Variants in CHODL observed in about 807,000 individuals in gnomAD.
CHODL encodes the protein transmembrane protein MT75.
In CHODL, 29 loss-of-function variants were observed where a neutral mutation model predicts 34.5. The observed-to-expected ratio is 0.84, with a 90% CI of 0.63 to 1.15. The LOEUF is 1.15. Ranked by LOEUF, CHODL falls within the 50% of genes most tolerant of loss-of-function variation. The pLI is 0.00. For missense variants in CHODL, 332 were observed against 332.5 expected, an observed-to-expected ratio of 1.00 and a Z score of 0.01; for synonymous variants, 125 against 116.1, an observed-to-expected ratio of 1.08 and a Z score of -0.49.
chr21:18,016,507 G>T (rs1292810476), intron 1 of CHODL, among the ~76,000 whole-genome samples: 1 of 152,208 alleles, frequency 6.6e-6, no homozygotes, highest in East Asian at 1.9e-4. Flanking sequence ...CCAAGCCCAG[G>T]CGCATGACCT....
intron 1 of CHODL, among the ~76,000 whole-genome samples, chr21:18,005,357 G>A (rs1282979941): frequency 6.6e-6 from 1 of 152,208 alleles, no homozygotes; most frequent in African/African-American, 2.4e-5. Context: ...CATAGTAAGT[G>A]CTATAAAAGT....
chr21:17,949,756 C>A (rs2063441001), intron 1 of CHODL, among the ~76,000 whole-genome samples: 1 of 151,792 alleles, frequency 6.6e-6, no homozygotes, highest in African/African-American at 2.4e-5. Context: ...GGATGGGCAA[C>A]CAGAGAATAT....
At chr21:18,088,679 T>G (rs1445862601) in intron 2 of CHODL, among the ~76,000 whole-genome samples, 1 of 152,238 alleles carries the variant, frequency 6.6e-6, no homozygotes, top group Non-Finnish European at 1.5e-5. Flanking sequence ...ATCTCTTCTC[T>G]GGTGAATGTT....
chr21:18,264,463 G>A (rs574988387), intron 5 of CHODL, among the ~76,000 whole-genome samples: 13 of 152,034 alleles, frequency 8.6e-5, no homozygotes, highest in African/African-American at 2.4e-4. Flanking sequence ...ATAGCCAGGC[G>A]TGGTGGCGGG....
At chr21:17,997,865 TG>T (rs2063866561) in intron 1 of CHODL, among the ~76,000 whole-genome samples, 1 of 152,076 alleles carries the variant, frequency 6.6e-6, no homozygotes, top group South Asian at 2.1e-4. Flanking sequence ...GAGATTTGGA[TG>T]GGGACACAGC....
At chr21:18,197,610 A>G (rs1453690267) in intron 2 of CHODL, among the ~76,000 whole-genome samples, 1 of 152,214 alleles carries the variant, frequency 6.6e-6, no homozygotes, top group Non-Finnish European at 1.5e-5. Context: ...GCTAGACTCC[A>G]TCTCAAAAAA....
At chr21:18,135,622 C>G (rs1259982548) in intron 2 of CHODL, among the ~76,000 whole-genome samples, 1 of 152,138 alleles carries the variant, frequency 6.6e-6, no homozygotes, top group African/African-American at 2.4e-5. Context: ...TGAGATGTCA[C>G]AGCAGTCAAA....
chr21:18,036,622 C>T (rs932473007), intron 2 of CHODL, among the ~76,000 whole-genome samples: 4 of 152,014 alleles, frequency 2.6e-5, no homozygotes, highest in African/African-American at 7.2e-5. Flanking sequence ...AATCAGTCTT[C>T]TTTCCATCTT....
At chr21:18,091,208 C>T (rs1363368051) in intron 2 of CHODL, among the ~76,000 whole-genome samples, 2 of 152,248 alleles carry the variant, frequency 1.3e-5, no homozygotes, top group African/African-American at 4.8e-5. Flanking sequence ...ACTTCAGTTT[C>T]TCAGCAAGCC....
intron 1 of CHODL, among the ~76,000 whole-genome samples, chr21:18,252,971 G>GGC (rs1281399633): frequency 1.3e-5 from 2 of 152,004 alleles, no homozygotes; most frequent in Non-Finnish European, 2.9e-5. Context: ...GGACAGCACT[G>GGC]ATTGTTAGTT....
intron 2 of CHODL, among the ~76,000 whole-genome samples, chr21:18,082,787 T>A (rs888096606): frequency 6.6e-6 from 1 of 152,132 alleles, no homozygotes; most frequent in Non-Finnish European, 1.5e-5. Context: ...GCATTCAAGA[T>A]GTGGCCTGGC....
At chr21:18,158,614 G>A (rs1202409587) in intron 2 of CHODL, among the ~76,000 whole-genome samples, 1 of 152,100 alleles carries the variant, frequency 6.6e-6, no homozygotes, top group African/African-American at 2.4e-5. Context: ...GAGGCGGGTG[G>A]ATCACCTGAG....
chr21:18,084,068 T>G (rs945823713), intron 2 of CHODL, among the ~76,000 whole-genome samples: 1 of 152,194 alleles, frequency 6.6e-6, no homozygotes, highest in Non-Finnish European at 1.5e-5. Flanking sequence ...TGGTGCTAGG[T>G]GATTAAATCA....
upstream of CHODL, among the ~76,000 whole-genome samples, chr21:18,240,131 A>G (rs529562627): frequency 2.0e-5 from 3 of 152,178 alleles, no homozygotes; most frequent in South Asian, 6.2e-4. Flanking sequence ...AGCAATTGTT[A>G]TTTTGGTAAA....
rs142092053 is a variant in CHODL at position 18,115,931 on chromosome 21, A to G, written c.-45+87960A>G. The stretch of plus-strand genomic sequence containing the variant: ...CTTGCTAAATGATCAAATCCAGTGG[A>G]CACGTTCAGTGGCATTGGATTTTTT... On this transcript the variant is annotated intron_variant, in intron 2 of 6. Transcript: ENST00000400127. Among the ~76,000 whole-genome samples, 100 of 151,804 alleles carry G rather than the reference A, an allele frequency of 6.6e-4. 2 individuals are homozygous for G. The East Asian group carries it at 0.018, about 28-fold the overall frequency.
intron 2 of CHODL, among the ~76,000 whole-genome samples, chr21:18,185,089 A>T (rs1233846624): frequency 6.6e-6 from 1 of 152,076 alleles, no homozygotes; most frequent in Non-Finnish European, 1.5e-5. Context: ...TTTGTTACAT[A>T]GGTATACACG....
rs900504615 is a variant in CHODL at position 18,052,363 on chromosome 21, A to C, written c.-45+24392A>C. On this transcript the variant is annotated intron_variant, in intron 2 of 6. Coordinates refer to the CHODL transcript ENST00000400127. ...CTATACAGGTGAAATGTGACTGGCC[A>C]CAGCTTGTTATTGGAAAGCCTGGTT... Among the ~76,000 whole-genome samples the C allele has an allele frequency of 1.1e-4, 17 of 151,950 alleles. 1 individual carries two copies. The highest frequency in any genetic ancestry group is 4.1e-4 in the African/African-American group (17 of 41,396).
intron 1 of CHODL, among the ~76,000 whole-genome samples, chr21:18,247,173 A>G (rs760553133): frequency 5.3e-5 from 8 of 152,128 alleles, no homozygotes; most frequent in Non-Finnish European, 1.2e-4. Flanking sequence ...TTTTTGTAGC[A>G]ATAGTTTCTA....
chr21:18,215,696 G>A (rs1170091941), intron 2 of CHODL, among the ~76,000 whole-genome samples: 2 of 152,150 alleles, frequency 1.3e-5, no homozygotes, highest in Non-Finnish European at 2.9e-5. Context: ...TTTGCCATTT[G>A]ATTTGGGTTT....
Sources: gnomAD v4.1 joint callset for allele counts (sites outside exome capture counted in the v4.1 genomes callset) on GRCh38, gnomAD v4.1.1 for gene constraint, MANE v1.5 for transcripts, NCBI Gene and HGNC (gene_info 2026-07-23, HGNC 2026-07-21) for gene names.